RPTOR: variants seen among roughly 807,000 people sequenced by gnomAD.
RPTOR encodes regulatory associated protein of MTOR complex 1.
RPTOR carries 21 observed loss-of-function variants against 169.9 expected under a neutral mutation model. That is an observed-to-expected ratio of 0.12 (90% CI 0.09 to 0.18). RPTOR has a LOEUF of 0.18. RPTOR is among the 10% of genes least tolerant of loss of function. The pLI, the probability that RPTOR is intolerant of heterozygous loss-of-function variation, is 1.00. For missense variants in RPTOR, 1,133 were observed against 1,855.9 expected, an observed-to-expected ratio of 0.61 and a Z score of 7.16; for synonymous variants, 732 against 753.2, an observed-to-expected ratio of 0.97 and a Z score of 0.46.
chr17:80,823,258 C>A lies in RPTOR; in HGVS notation c.1136+35C>A. On this transcript the variant is annotated intron_variant, in intron 9 of 33. Transcript: ENST00000306801. This position sits in a 1 kb window ranked among gnomAD's most constrained non-coding sequence, Gnocchi z 4.5. Reference sequence around the variant, plus strand: ...TCAGGATCCTCCAGGTGCCGTGCTCCCCCGCCCTCCGTGGCACTGTGATGT... The same window carrying A: ...TCAGGATCCTCCAGGTGCCGTGCTCACCCGCCCTCCGTGGCACTGTGATGT... 2 of 1,607,136 alleles carry A rather than the reference C, an allele frequency of 1.2e-6. No individual in the cohort carries two copies. Among genetic ancestry groups the A allele is most frequent in the South Asian group, 1.1e-5 (1 of 90,808 alleles).
chr17:80,817,782 G>A (rs2067339035), intron 7 of RPTOR, among the ~76,000 whole-genome samples: 1 of 152,170 alleles, frequency 6.6e-6, no homozygotes, highest in Non-Finnish European at 1.5e-5. Context: ...GGTGGTGGTG[G>A]GGACAGCCAG....
At chr17:80,773,353 G>A (rs745908739) in intron 6 of RPTOR, among the ~76,000 whole-genome samples, 15 of 152,232 alleles carry the variant, frequency 9.9e-5, no homozygotes, top group African/African-American at 2.9e-4. Flanking sequence ...GGTAAATAGC[G>A]CCTCTGGCAG....
intron 1 of RPTOR, among the ~76,000 whole-genome samples, chr17:80,613,628 A>G (rs145525084): frequency 2.5e-4 from 35 of 137,274 alleles, no homozygotes; most frequent in African/African-American, 6.8e-4. Context: ...GGTGCTCTCT[A>G]TGGTTGAATG....
chr17:80,570,035 C>G (rs890337673), intron 1 of RPTOR, among the ~76,000 whole-genome samples: 1 of 152,258 alleles, frequency 6.6e-6, no homozygotes, highest in South Asian at 2.1e-4. Context: ...CTGCCTCCTC[C>G]GTGTGGCTGT....
In RPTOR at chr17:80,959,968, G is replaced by A. The variant is rs1336892756; in HGVS notation, c.3478-110G>A. 1.5e-6 allele frequency: 2 copies of A among 1,374,156 alleles called. No homozygotes were observed. The highest frequency in any genetic ancestry group is 2.0e-6 in the Non-Finnish European group (2 of 989,402). The allele number at this position is 1,374,156 out of a possible 1,614,324, so 85.1% of individuals were successfully genotyped here. On this transcript the variant is annotated intron_variant, in intron 29 of 33. Transcript: ENST00000306801. This position sits in a 1 kb window ranked among gnomAD's most constrained non-coding sequence, Gnocchi z 6.7. ...GAGAAAGGCCCCTGCAGCCAGGGAG[G>A]GTGATCCCCACAGCCAGGCAGGCAG...
At chr17:80,924,684 C>T (rs2068790460) in intron 23 of RPTOR, among the ~76,000 whole-genome samples, 1 of 151,974 alleles carries the variant, frequency 6.6e-6, no homozygotes, top group South Asian at 2.1e-4. Flanking sequence ...GGGGGATGCA[C>T]CTCTCACTGC....
At chr17:80,800,402 C>T (rs900596231) in intron 7 of RPTOR, among the ~76,000 whole-genome samples, 3 of 152,186 alleles carry the variant, frequency 2.0e-5, no homozygotes, top group East Asian at 1.9e-4. Flanking sequence ...GAGCTTTCGC[C>T]GTCCTTGTCA....
chr17:80,560,912 C>T (rs2084478035), intron 1 of RPTOR, among the ~76,000 whole-genome samples: 1 of 105,650 alleles, frequency 9.5e-6, no homozygotes, highest in African/African-American at 3.1e-5. Context: ...AGGAAGGGAG[C>T]AGAGACCCTG....
chr17:80,712,361 CA>C (rs755381204), intron 4 of RPTOR, among the ~76,000 whole-genome samples: 81 of 152,286 alleles, frequency 5.3e-4, no homozygotes, highest in Admixed American at 7.2e-4. Flanking sequence ...TGCGCCCCCT[CA>C]TCTTCTCTCC....
At chr17:80,868,797 A>C (rs752607297) in intron 13 of RPTOR, among the ~76,000 whole-genome samples, 2 of 152,268 alleles carry the variant, frequency 1.3e-5, no homozygotes, top group Non-Finnish European at 2.9e-5. Context: ...TCAACAATGA[A>C]AAGGCATGAA....
intron 10 of RPTOR, among the ~76,000 whole-genome samples, chr17:80,842,430 C>T (rs2143699962): frequency 6.6e-6 from 1 of 152,292 alleles, no homozygotes; most frequent in South Asian, 2.1e-4. Flanking sequence ...GCTGCTCCCT[C>T]CTTCACATTT....
chr17:80,589,543 T>A (rs775515229), intron 1 of RPTOR, among the ~76,000 whole-genome samples: 10 of 152,244 alleles, frequency 6.6e-5, no homozygotes, highest in Non-Finnish European at 1.5e-4. Context: ...GGTCCATAGA[T>A]CATTTAGGCA....
chr17:80,816,936 G>C (rs545222847), intron 7 of RPTOR, among the ~76,000 whole-genome samples: 3 of 152,226 alleles, frequency 2.0e-5, no homozygotes, highest in African/African-American at 7.2e-5. Flanking sequence ...GCGGCTGCGG[G>C]GTCTGGGTCT....
chr17:80,844,395 T>C lies in RPTOR; in HGVS notation c.1213-2078T>C, dbSNP rs1326834105. Among the ~76,000 whole-genome samples, 4 of 152,212 alleles carry C rather than the reference T, an allele frequency of 2.6e-5. No homozygotes were observed. The highest frequency in any genetic ancestry group is 5.9e-5 in the Non-Finnish European group (4 of 68,040). On this transcript the variant is annotated intron_variant, in intron 10 of 33. Coordinates refer to ENST00000306801, the MANE Select transcript of RPTOR (RefSeq NM_020761.3). The surrounding 1 kb of genome is among the most constrained non-coding windows in gnomAD (Gnocchi z 4.7). ...AATCCATCAGGCAAAGCTAATGTGATAGAAAGAAGAGGTGTAACTATCTGA... is the reference window on the plus strand; with the variant it reads ...AATCCATCAGGCAAAGCTAATGTGACAGAAAGAAGAGGTGTAACTATCTGA...
chr17:80,851,954 T>A (rs2067797815), intron 11 of RPTOR, among the ~76,000 whole-genome samples: 1 of 152,256 alleles, frequency 6.6e-6, no homozygotes, highest in Non-Finnish European at 1.5e-5. Context: ...AAGCTTTAGA[T>A]CTGATGATGT....
chr17:80,597,414 C>T (rs1205257313), intron 1 of RPTOR, among the ~76,000 whole-genome samples: 3 of 152,134 alleles, frequency 2.0e-5, no homozygotes, highest in Admixed American at 6.5e-5. Flanking sequence ...GGCCAGACTG[C>T]GGTAGCCTGG....
chr17:80,652,183 A>AG (rs2065646136), intron 3 of RPTOR, among the ~76,000 whole-genome samples: 1 of 152,084 alleles, frequency 6.6e-6, no homozygotes, highest in Admixed American at 6.5e-5. Context: ...AAAAAAAAAA[A>AG]AAAGTGTACA....
intron 29 of RPTOR, among the ~76,000 whole-genome samples, chr17:80,958,401 G>GTTT (rs2069285064): frequency 9.4e-6 from 1 of 106,750 alleles, no homozygotes; most frequent in African/African-American, 4.3e-5. Context: ...GAAGATTTTT[G>GTTT]TTTCTTTTTT....
intron 13 of RPTOR, among the ~76,000 whole-genome samples, chr17:80,862,764 T>A (rs962416533): frequency 5.3e-5 from 8 of 152,222 alleles, no homozygotes; most frequent in African/African-American, 1.9e-4. Context: ...CAGCCGTCCC[T>A]GTGACTCCTG....
Sources: allele counts gnomAD v4.1 joint callset (sites outside exome capture counted in the v4.1 genomes callset), GRCh38; gene constraint gnomAD v4.1.1; non-coding constraint Gnocchi (gnomAD v3.1); transcripts MANE v1.5; gene names NCBI Gene and HGNC (gene_info 2026-07-23, HGNC 2026-07-21).